The following GLB1 variants were observed in gnomAD, a reference collection of about 807,000 sequenced individuals.
GLB1 encodes the protein beta-galactosidase.
In GLB1, 56 loss-of-function variants were observed where a neutral mutation model predicts 74.0. The observed-to-expected ratio is 0.76, with a 90% CI of 0.61 to 0.94. GLB1 has a LOEUF of 0.94. GLB1 is among the 40% of genes least tolerant of loss of function. The pLI is 0.00. For synonymous variants in GLB1, 323 were observed against 323.6 expected (o/e 1.00, Z 0.02); for missense variants, 787 against 845.5 (o/e 0.93, Z 0.86).
intron 10 of GLB1, among the ~76,000 whole-genome samples, chr3:33,028,779 C>A (rs1175397111): frequency 6.6e-6 from 1 of 151,990 alleles, no homozygotes; most frequent in Non-Finnish European, 1.5e-5. Context: ...GATTCTCCTG[C>A]CTCAGCCTCC....
intron 13 of GLB1, among the ~76,000 whole-genome samples, chr3:33,017,608 C>G (rs972530505): frequency 6.6e-6 from 1 of 152,166 alleles, no homozygotes. Flanking sequence ...GTGACCATTT[C>G]GGTGAGAGGA....
chr3:33,043,419 A>G (rs79497729), intron 10 of GLB1, among the ~76,000 whole-genome samples: 11,134 of 152,190 alleles, frequency 0.073, 1,036 homozygotes, highest in East Asian at 0.48. Flanking sequence ...TAGATGTCAC[A>G]CTTAAATGGT....
intron 15 of GLB1, among the ~76,000 whole-genome samples, chr3:33,002,995 A>G (rs929924146): frequency 2.0e-5 from 3 of 152,216 alleles, no homozygotes; most frequent in African/African-American, 7.2e-5. Context: ...GCTTGCTTAG[A>G]AATAAGAGGT....
the GLB1 span, among the ~76,000 whole-genome samples, chr3:32,970,467 C>T: frequency 6.6e-6 from 1 of 152,092 alleles, no homozygotes; most frequent in African/African-American, 2.4e-5. Flanking sequence ...TAAGCATGGC[C>T]ATGCAAAAGA....
chr3:32,993,157 A>T (rs1696254342), downstream of GLB1, among the ~76,000 whole-genome samples: 1 of 152,254 alleles, frequency 6.6e-6, no homozygotes, highest in Admixed American at 6.5e-5. Context: ...CATTTGACAG[A>T]AGACATATTT....
intron 15 of GLB1, among the ~76,000 whole-genome samples, chr3:33,004,988 C>T (rs7646283): frequency 0.28 from 42,445 of 152,038 alleles, 7,321 homozygotes; most frequent in Middle Eastern, 0.44. Context: ...GTCCTGAGGA[C>T]TGCAACATAG....
At chr3:33,091,752 G>A (rs969706690) in intron 1 of GLB1, 12 of 985,320 alleles carry the variant, frequency 1.2e-5, no homozygotes, top group East Asian at 2.3e-4. Flanking sequence ...CAGTCAGAGC[G>A]AGTGTCTTCA....
chr3:33,083,264 G>A (rs1700386560), intron 1 of GLB1, among the ~76,000 whole-genome samples: 1 of 152,082 alleles, frequency 6.6e-6, no homozygotes, highest in Admixed American at 6.6e-5. Flanking sequence ...TGGGTGTGGT[G>A]GCACATGCCT....
rs1380929675 is a variant in GLB1, at chr3:33,062,259, C to G, written c.552+3204G>C. The stretch of plus-strand genomic sequence containing the variant: ...CACGGCTCACCACAGCCCCAACCTC[C>G]CAGGCTCAAGTGATCCTCCTGCCTC... On this transcript the variant is annotated intron_variant, in intron 5 of 15. Coordinates refer to ENST00000307363, the MANE Select transcript of GLB1 (RefSeq NM_000404.4). Among the ~76,000 whole-genome samples, 8 of 152,264 alleles carry G rather than the reference C, an allele frequency of 5.3e-5. No homozygotes were observed. In the East Asian group the frequency reaches 1.5e-3, roughly 29 times the overall value.
intron 1 of GLB1, chr3:33,094,209 AG>A (rs1394810171): frequency 1.9e-6 from 3 of 1,582,582 alleles, no homozygotes; most frequent in Non-Finnish European, 1.7e-6. Flanking sequence ...CTCTGCTCCT[AG>A]TAGGCTCCCC....
chr3:33,097,108 C>A lies in GLB1; in HGVS notation c.-23G>T, dbSNP rs1701067918. The A allele has an allele frequency of 6.2e-7, 1 of 1,610,750 alleles. No individual in the cohort carries two copies. Among genetic ancestry groups the A allele is most frequent in the African/African-American group, 1.3e-5 (1 of 74,678 alleles). The stretch of plus-strand genomic sequence containing the variant: ...CATGACCACCAGCCTCCCGGCTCTG[C>A]AGTCGGCGCCCAGGCCGGCCGCTTC... On this transcript the variant is annotated 5_prime_UTR_variant, in exon 1 of 16. Coordinates refer to ENST00000307363, the MANE Select transcript of GLB1 (RefSeq NM_000404.4).
chr3:33,065,689 T>A, intron 4 of GLB1, 132 bp from the exon 5 acceptor site: 1 of 1,076,678 alleles, frequency 9.3e-7, no homozygotes, highest in Non-Finnish European at 1.3e-6. Context: ...GTTTTCTGGC[T>A]GGGTGCGGTG....
chr3:33,038,963 T>C (rs1408297201), intron 10 of GLB1, among the ~76,000 whole-genome samples: 1 of 151,914 alleles, frequency 6.6e-6, no homozygotes, highest in Non-Finnish European at 1.5e-5. Flanking sequence ...ACCCAACATA[T>C]AGGAGACAAC....
rs111840209 is a variant in GLB1 at position 33,058,199 on chromosome 3, C to A, written c.623G>T (p.Arg208Leu). The A allele has an allele frequency of 6.2e-7, 1 of 1,614,090 alleles. No individual in the cohort carries two copies. Among genetic ancestry groups the A allele is most frequent in the Non-Finnish European group, 8.5e-7 (1 of 1,180,014 alleles). Reference protein sequence around the residue: ...DYLRFLQKRFRHHLGDDVVLF... With the variant: ...DYLRFLQKRFLHHLGDDVVLF... ...AACCACATCATCCCCCAGATGGTGG[C>A]GAAAGCGCTTCTGCAGGAAGCGCAG... is the stretch of plus-strand genomic sequence containing the variant. Residue 208 changes from arginine (R) to leucine (L), a missense_variant, in exon 6 of 16, where the codon CGC becomes CTC. Coordinates refer to ENST00000307363, the MANE Select transcript of GLB1 (RefSeq NM_000404.4).
At chr3:33,053,095 A>C (rs1699064967) in intron 7 of GLB1, among the ~76,000 whole-genome samples, 2 of 152,200 alleles carry the variant, frequency 1.3e-5, no homozygotes, top group African/African-American at 2.4e-5. Flanking sequence ...ACCCACCTGC[A>C]GCTTGCCAAC....
intron 15 of GLB1, 129 bp downstream of exon 15, chr3:33,013,927 G>T (rs1697129847): frequency 6.6e-7 from 1 of 1,523,840 alleles, no homozygotes. Flanking sequence ...GCCTCCTGAA[G>T]AATGTCCGAA....
intron 14 of GLB1, 121 bp from the exon 15 acceptor site, chr3:33,014,431 C>T (rs1221046594): frequency 6.9e-7 from 1 of 1,450,928 alleles, no homozygotes; most frequent in Non-Finnish European, 9.4e-7. Flanking sequence ...AGGAAATGAA[C>T]CTCGAAATAT....
At position 33,097,051 on chromosome 3, in the gene GLB1, A is replaced by G. The variant is rs773246174; in HGVS notation, c.35T>C (p.Leu12Ser). The G allele has an allele frequency of 1.2e-6, 2 of 1,612,088 alleles. No individual in the cohort carries two copies. The highest frequency in any genetic ancestry group is 2.2e-5 in the South Asian group (2 of 90,906). The change falls in exon 1 of 16, where the codon TTG becomes TCG. Residue 12 changes from leucine (L) to serine (S), a missense_variant. Coordinates refer to ENST00000307363, the MANE Select transcript of GLB1 (RefSeq NM_000404.4). ...AGGGCCCAGAAGCAGCAGAACCAGCAACAGAGGGAGGATGCGAACCAGGAA... is the reference window on the plus strand; with the variant it reads ...AGGGCCCAGAAGCAGCAGAACCAGCGACAGAGGGAGGATGCGAACCAGGAA... ...PGFLVRILPL[L>S]LVLLLLGPTR...
chr3:33,010,475 G>A (rs1398073932), intron 15 of GLB1, among the ~76,000 whole-genome samples: 1 of 152,072 alleles, frequency 6.6e-6, no homozygotes. Flanking sequence ...TGCTCCTTTT[G>A]TGACTGGGCT....
Sources: allele counts gnomAD v4.1 joint callset (sites outside exome capture counted in the v4.1 genomes callset), GRCh38; gene constraint gnomAD v4.1.1; transcripts MANE v1.5; gene names NCBI Gene and HGNC (gene_info 2026-07-23, HGNC 2026-07-21).